PALM2AKAP2: variants seen among roughly 807,000 people sequenced by gnomAD.
PALM2AKAP2 encodes PALM2 and AKAP2 fusion.
PALM2AKAP2 carries 37 observed loss-of-function variants against 71.5 expected under a neutral mutation model. The ratio of observed to expected loss-of-function variants is 0.52; its 90% CI spans 0.40 to 0.68. The LOEUF (loss-of-function observed/expected upper bound fraction) is 0.68. PALM2AKAP2 is among the 30% of genes least tolerant of loss of function. PALM2AKAP2 has a pLI of 0.00. For missense variants in PALM2AKAP2, 1,224 were observed against 1,191.8 expected (o/e 1.03, Z -0.40); for synonymous variants, 468 against 478.8 (o/e 0.98, Z 0.29).
At chr9:109,749,603 C>A (rs1828855993) in intron 1 of PALM2AKAP2, among the ~76,000 whole-genome samples, 1 of 150,326 alleles carries the variant, frequency 6.7e-6, no homozygotes, top group East Asian at 1.9e-4. Flanking sequence ...GAGTTGTAAG[C>A]ACCTACAATT....
At chr9:110,049,286 AG>A (rs904589992) in intron 1 of PALM2AKAP2, among the ~76,000 whole-genome samples, 4 of 152,064 alleles carry the variant, frequency 2.6e-5, no homozygotes, top group African/African-American at 9.7e-5. Flanking sequence ...CTAGCTCGCG[AG>A]GAAGGCGCGG....
rs542508940 is a variant in PALM2AKAP2, at chr9:109,956,496, CA to C, written c.496+24471del. 1.8e-4 allele frequency among the ~76,000 whole-genome samples: 27 copies of C among 152,230 alleles called. 1 individual carries two copies. In the South Asian group the frequency reaches 5.2e-3, roughly 29 times the overall value. ...AATTATTCAGACTATCAGAATCTGC[CA>C]AATCAAATTCCATTTCTTCAAGAAC... On this transcript the variant is annotated intron_variant, in intron 6 of 9. Coordinates refer to the PALM2AKAP2 transcript ENST00000302798.
chr9:109,700,451 T>C (rs968634969), intron 1 of PALM2AKAP2, among the ~76,000 whole-genome samples: 2 of 152,206 alleles, frequency 1.3e-5, no homozygotes, highest in Non-Finnish European at 2.9e-5. Flanking sequence ...TAAACATCTT[T>C]CCTTTATAAA....
chr9:109,983,597 T>G (rs1832317978), intron 6 of PALM2AKAP2, among the ~76,000 whole-genome samples: 1 of 152,050 alleles, frequency 6.6e-6, no homozygotes, highest in South Asian at 2.1e-4. Context: ...CTGGGTGCGG[T>G]CTCATGCCTT....
chr9:110,006,299 T>C (rs1441506110), intron 6 of PALM2AKAP2, among the ~76,000 whole-genome samples: 2 of 150,166 alleles, frequency 1.3e-5, no homozygotes, highest in Non-Finnish European at 3.0e-5. Context: ...CTTTCTTTCC[T>C]TTCCCTCCCT....
intron 1 of PALM2AKAP2, among the ~76,000 whole-genome samples, chr9:110,133,854 G>T (rs567118135): frequency 1.3e-3 from 194 of 152,280 alleles, no homozygotes; most frequent in African/African-American, 4.4e-3. Flanking sequence ...TCCATGGAGT[G>T]GGCTAATTTT....
At chr9:109,756,599 T>C (rs1828967784) in intron 1 of PALM2AKAP2, among the ~76,000 whole-genome samples, 1 of 152,198 alleles carries the variant, frequency 6.6e-6, no homozygotes, top group African/African-American at 2.4e-5. Context: ...ATTAGGTGTT[T>C]ACTTTTTATG....
At chr9:109,669,215 C>T (rs1827537761) in intron 1 of PALM2AKAP2, among the ~76,000 whole-genome samples, 1 of 152,034 alleles carries the variant, frequency 6.6e-6, no homozygotes, top group South Asian at 2.1e-4. Context: ...GTATCATCTT[C>T]AGAATGTTCT....
intron 1 of PALM2AKAP2, among the ~76,000 whole-genome samples, chr9:109,795,185 C>CA (rs1311793863): frequency 6.6e-6 from 1 of 152,188 alleles, no homozygotes; most frequent in Non-Finnish European, 1.5e-5. Flanking sequence ...TAGCACACCC[C>CA]ACTCTTCATT....
intron 5 of PALM2AKAP2, among the ~76,000 whole-genome samples, chr9:109,931,459 A>T (rs770153667): frequency 6.6e-6 from 1 of 152,242 alleles, no homozygotes; most frequent in Non-Finnish European, 1.5e-5. Context: ...TCATAAAGCT[A>T]TATTGCCAGT....
chr9:110,020,409 A>T (rs776877250), intron 7 of PALM2AKAP2, among the ~76,000 whole-genome samples: 6 of 152,280 alleles, frequency 3.9e-5, no homozygotes, highest in African/African-American at 7.2e-5. Context: ...CTGGCTGAGC[A>T]TGGTGGCTAA....
intron 2 of PALM2AKAP2, among the ~76,000 whole-genome samples, chr9:109,868,558 C>A (rs1173296101): frequency 6.6e-6 from 1 of 152,060 alleles, no homozygotes. Flanking sequence ...ACAAGATAAA[C>A]CTTTATGGCT....
chr9:109,789,951 T>C (rs1343108714), intron 1 of PALM2AKAP2, among the ~76,000 whole-genome samples: 1 of 152,252 alleles, frequency 6.6e-6, no homozygotes, highest in Non-Finnish European at 1.5e-5. Flanking sequence ...CCTATTTACA[T>C]AATGCTTGAA....
chr9:110,034,584 C>A (rs1318381869), intron 7 of PALM2AKAP2, among the ~76,000 whole-genome samples: 1 of 149,546 alleles, frequency 6.7e-6, no homozygotes, highest in Admixed American at 6.7e-5. Flanking sequence ...AATCCAATAA[C>A]TATCAAGCCA....
rs190751409 is a variant in PALM2AKAP2 at position 109,800,419 on chromosome 9, G to A, written c.45+19886G>A. Among the ~76,000 whole-genome samples, 245 of 152,286 alleles carry A rather than the reference G, an allele frequency of 1.6e-3. 1 individual carries two copies. The highest frequency in any genetic ancestry group is 5.3e-3 in the African/African-American group (221 of 41,566). On this transcript the variant is annotated intron_variant, in intron 1 of 9. Coordinates refer to the PALM2AKAP2 transcript ENST00000302798. ...AACTGTTAACTTGAGGAGGTTTAAC[G>A]TTAGCCCAAGACCGGGTAGCTGAGT...
intron 6 of PALM2AKAP2, among the ~76,000 whole-genome samples, chr9:109,964,408 A>T (rs923902813): frequency 6.8e-6 from 1 of 146,958 alleles, no homozygotes; most frequent in African/African-American, 2.5e-5. Flanking sequence ...CCAGTGAGGG[A>T]GCTATTGCAG....
intron 1 of PALM2AKAP2, among the ~76,000 whole-genome samples, chr9:109,655,674 A>T (rs1016444859): frequency 1.3e-5 from 2 of 151,978 alleles, no homozygotes; most frequent in Admixed American, 1.3e-4. Flanking sequence ...CCATATATGT[A>T]GAATCAAACA....
chr9:109,738,689 A>G (rs28464310), intron 1 of PALM2AKAP2, among the ~76,000 whole-genome samples: 4 of 152,222 alleles, frequency 2.6e-5, no homozygotes, highest in African/African-American at 9.6e-5. Flanking sequence ...AAATGTCTAC[A>G]TTTTACTTCC....
At chr9:110,100,515 G>A (rs998387306) in intron 1 of PALM2AKAP2, among the ~76,000 whole-genome samples, 1 of 152,158 alleles carries the variant, frequency 6.6e-6, no homozygotes, top group Non-Finnish European at 1.5e-5. Context: ...CATGGGGTGA[G>A]GTAGGGGTCT....
Sources: gnomAD v4.1 joint callset for allele counts (sites outside exome capture counted in the v4.1 genomes callset) on GRCh38, gnomAD v4.1.1 for gene constraint, MANE v1.5 for transcripts, NCBI Gene and HGNC (gene_info 2026-07-23, HGNC 2026-07-21) for gene names.